The following PBLD variants were observed in gnomAD, a reference collection of about 807,000 sequenced individuals.
The protein encoded by PBLD is phenazine biosynthesis-like domain-containing protein.
A neutral mutation model predicts 31.3 loss-of-function variants in PBLD; 26 were observed. That is an observed-to-expected ratio of 0.83 (90% CI 0.61 to 1.15). The LOEUF (loss-of-function observed/expected upper bound fraction) is 1.15. Among genes scored for constraint, PBLD ranks in the 50% most tolerant of loss-of-function variants. The pLI, the probability that PBLD is intolerant of heterozygous loss-of-function variation, is 0.00. For missense variants in PBLD, 307 were observed against 351.7 expected (o/e 0.87, Z 1.02); for synonymous variants, 114 against 129.0 (o/e 0.88, Z 0.79).
chr10:68,319,288 A>G (rs2044796488), intron 1 of PBLD, among the ~76,000 whole-genome samples: 1 of 152,224 alleles, frequency 6.6e-6, no homozygotes, highest in Admixed American at 6.5e-5. Context: ...TAGAAAACAA[A>G]TATCAAAATA....
intron 8 of PBLD, 114 bp downstream of exon 8, chr10:68,288,369 A>T: frequency 8.9e-7 from 1 of 1,125,088 alleles, no homozygotes; most frequent in Non-Finnish European, 1.3e-6. Context: ...ATAGAGGAAC[A>T]AGGCAGCTCA....
intron 4 of PBLD, 54 bp from the exon 5 acceptor site, chr10:68,292,292 T>G: frequency 3.9e-5 from 52 of 1,338,092 alleles, no homozygotes; most frequent in Non-Finnish European, 4.9e-5. Flanking sequence ...TATATGCGCA[T>G]GTCCATTTCA....
At chr10:68,313,724 A>T (rs1023479201) in intron 1 of PBLD, among the ~76,000 whole-genome samples, 1 of 152,224 alleles carries the variant, frequency 6.6e-6, no homozygotes, top group South Asian at 2.1e-4. Flanking sequence ...CCTGGAAGGG[A>T]CTTCAGAAAA....
At chr10:68,327,613 G>A (rs2044943944) in intron 1 of PBLD, among the ~76,000 whole-genome samples, 1 of 144,550 alleles carries the variant, frequency 6.9e-6, no homozygotes, top group Non-Finnish European at 1.5e-5. Context: ...GCCAGAGGTT[G>A]CAGGGAACAG....
Position 68,306,814 on chromosome 10 carries a change from A to C in PBLD, c.31T>G (p.Phe11Val). MKLPIFIADA[F>V]TARAFRGNPA... ...TTCCCACGAAATGCTCTTGCTGTGA[A>C]TGCATCTGCTATGAAAATAGGAAGC... The change falls in exon 2 of 10, where the codon TTC (phenylalanine) becomes GTC (valine). Residue 11 changes from phenylalanine (F) to valine (V), a missense_variant. Physicochemically the swap from Phe to Val is conservative, Grantham distance 50. Coordinates refer to ENST00000358769, the MANE Select transcript of PBLD (RefSeq NM_022129.4). 1 of 1,612,140 alleles carries C rather than the reference A, an allele frequency of 6.2e-7. No individual in the cohort carries two copies. Among genetic ancestry groups the C allele is most frequent in the East Asian group, 2.2e-5 (1 of 44,820 alleles).
At chr10:68,316,066 C>T (rs2044732732) in intron 1 of PBLD, among the ~76,000 whole-genome samples, 1 of 151,456 alleles carries the variant, frequency 6.6e-6, no homozygotes, top group Non-Finnish European at 1.5e-5. Context: ...ATTTCAACAA[C>T]AAAAAAGAGG....
chr10:68,300,182 C>T (rs951711021), intron 2 of PBLD, among the ~76,000 whole-genome samples: 42 of 152,110 alleles, frequency 2.8e-4, no homozygotes, highest in African/African-American at 9.7e-4. Context: ...TGATCCTCTA[C>T]GCCCCGGCTT....
chr10:68,330,639 G>C (rs2045028865), intron 1 of PBLD, among the ~76,000 whole-genome samples: 3 of 151,952 alleles, frequency 2.0e-5, no homozygotes, highest in African/African-American at 7.3e-5. Flanking sequence ...TCTGCCTCCC[G>C]GGTCCACGCC....
At chr10:68,329,152 T>C (rs1009768366) in intron 1 of PBLD, among the ~76,000 whole-genome samples, 10 of 152,346 alleles carry the variant, frequency 6.6e-5, no homozygotes, top group Middle Eastern at 3.4e-3. Flanking sequence ...ACGCTGGGAT[T>C]ACAGGCGTGA....
chr10:68,285,185 T>G, intron 9 of PBLD, 163 bp downstream of exon 9: 1 of 1,469,850 alleles, frequency 6.8e-7, no homozygotes, highest in Non-Finnish European at 9.0e-7. Flanking sequence ...GAAGGCTGTT[T>G]GGGGTGGAGG....
rs1380128017 is a variant in PBLD, at chr10:68,292,243, C to T, written c.284-5G>A. The T allele has an allele frequency of 1.2e-6, 2 of 1,607,656 alleles. No individual in the cohort carries two copies. Among genetic ancestry groups the T allele is most frequent in the East Asian group, 2.2e-5 (1 of 44,850 alleles). On this transcript the variant is annotated splice_region_variant and splice_polypyrimidine_tract_variant and intron_variant, in intron 4 of 9. Coordinates refer to ENST00000358769, the MANE Select transcript of PBLD (RefSeq NM_022129.4). ...TGAGCGTGCTATTCATGTTTTCTGG[C>T]CAAAATAGGAATCAAGAAATAGGAA...
At chr10:68,297,401 G>A (rs1434681862) in intron 2 of PBLD, among the ~76,000 whole-genome samples, 2 of 152,306 alleles carry the variant, frequency 1.3e-5, no homozygotes, top group Non-Finnish European at 1.5e-5. Flanking sequence ...GTCTTTGCAT[G>A]GTTCACTCTC....
intron 1 of PBLD, among the ~76,000 whole-genome samples, chr10:68,321,890 GAA>G (rs1454049986): frequency 6.6e-6 from 1 of 152,190 alleles, no homozygotes; most frequent in Non-Finnish European, 1.5e-5. Context: ...AAATGGAGGA[GAA>G]GAGACAAACT....
At chr10:68,312,957 T>A (rs1185481080) in intron 1 of PBLD, among the ~76,000 whole-genome samples, 1 of 151,834 alleles carries the variant, frequency 6.6e-6, no homozygotes. Flanking sequence ...CAGGCTGGAG[T>A]GCAGTGGTGG....
intron 9 of PBLD, 77 bp from the exon 10 acceptor site, chr10:68,284,366 C>T: frequency 1.6e-6 from 2 of 1,273,554 alleles, no homozygotes; most frequent in East Asian, 4.8e-5. Context: ...AGACTTATTA[C>T]AAATCTTAGA....
At chr10:68,299,787 A>C (rs2044481336) in intron 2 of PBLD, among the ~76,000 whole-genome samples, 2 of 152,110 alleles carry the variant, frequency 1.3e-5, no homozygotes, top group Non-Finnish European at 2.9e-5. Flanking sequence ...CGGGAGGCAG[A>C]GGTTGCAGTG....
In PBLD at chr10:68,332,879, C is replaced by G. The variant is rs960649395; in HGVS notation, c.-155G>C. The G allele has an allele frequency of 6.6e-6, 1 of 152,260 alleles. No individual in the cohort carries two copies. Among genetic ancestry groups the G allele is most frequent in the Non-Finnish European group, 1.5e-5 (1 of 68,124 alleles). The allele number at this position is 152,260 out of a possible 1,614,324, so 9.4% of individuals were successfully genotyped here. A position where few individuals can be genotyped will look rare whatever the true frequency, so the allele number is the denominator to read the frequency against. ...GAAAGCCAATGGCGACGAAGGTGCT[C>G]AACTCCCAAATCCAGGACAAAGGAG... On this transcript the variant is annotated 5_prime_UTR_variant, in exon 1 of 10. Coordinates refer to ENST00000358769, the MANE Select transcript of PBLD (RefSeq NM_022129.4).
chr10:68,291,930 T>C (rs1397832575), intron 6 of PBLD, 80 bp downstream of exon 6: 2 of 1,402,476 alleles, frequency 1.4e-6, no homozygotes, highest in Non-Finnish European at 2.0e-6. Flanking sequence ...AATGCCTATC[T>C]TTGTGGATCA....
intron 1 of PBLD, among the ~76,000 whole-genome samples, chr10:68,308,725 G>A (rs1480025426): frequency 1.3e-5 from 2 of 149,796 alleles, no homozygotes; most frequent in African/African-American, 4.9e-5. Flanking sequence ...ATTTTTTGTA[G>A]AGACAGGGTT....
Sources: allele counts gnomAD v4.1 joint callset (sites outside exome capture counted in the v4.1 genomes callset), GRCh38; gene constraint gnomAD v4.1.1; transcripts MANE v1.5; gene names NCBI Gene and HGNC (gene_info 2026-07-23, HGNC 2026-07-21).